Variants in MLLT10 observed in about 807,000 individuals in gnomAD.
MLLT10 encodes the protein MLLT10 histone lysine methyltransferase DOT1L cofactor.
Under a neutral mutation model 129.1 loss-of-function variants are expected in MLLT10, and 30 were observed. That is an observed-to-expected ratio of 0.23 (90% CI 0.17 to 0.32). MLLT10 has a LOEUF of 0.32. Among genes scored for constraint, MLLT10 ranks in the 10% least tolerant of loss-of-function variants. MLLT10 has a pLI of 1.00. For missense variants in MLLT10, 1,119 were observed against 1,268.3 expected, an observed-to-expected ratio of 0.88 and a Z score of 1.79; for synonymous variants, 490 against 446.4, an observed-to-expected ratio of 1.10 and a Z score of -1.23.
At chr10:21,546,762 C>A (rs1470845764) in intron 3 of MLLT10, among the ~76,000 whole-genome samples, 1 of 151,304 alleles carries the variant, frequency 6.6e-6, no homozygotes, top group Non-Finnish European at 1.5e-5. Context: ...TAGAGTTTTG[C>A]TCTTTCCCAG....
At chr10:21,642,885 G>A (rs2048152763) in intron 8 of MLLT10, among the ~76,000 whole-genome samples, 1 of 152,082 alleles carries the variant, frequency 6.6e-6, no homozygotes, top group African/African-American at 2.4e-5. Context: ...CAAGAAAGAT[G>A]TTTATGTCTA....
intron 13 of MLLT10, among the ~76,000 whole-genome samples, chr10:21,704,023 T>TG (rs1388353194): frequency 1.6e-4 from 21 of 133,306 alleles, no homozygotes; most frequent in Admixed American, 7.5e-4. Context: ...TTTGTTTTTT[T>TG]TTTTTTTTTT....
chr10:21,711,090 C>G (rs2056035974), intron 13 of MLLT10, among the ~76,000 whole-genome samples: 1 of 152,144 alleles, frequency 6.6e-6, no homozygotes, highest in Non-Finnish European at 1.5e-5. Context: ...GTTTCTTCCT[C>G]AAACCGTCCT....
intron 3 of MLLT10, among the ~76,000 whole-genome samples, chr10:21,551,289 CTTTTTTT>C (rs11461905): frequency 2.2e-4 from 20 of 91,966 alleles, no homozygotes; most frequent in East Asian, 5.9e-4. Context: ...CGGATTGTAC[CTTTTTTT>C]TTTTTTTTTT....
intron 13 of MLLT10, among the ~76,000 whole-genome samples, chr10:21,686,845 G>GC (rs1345655802): frequency 1.3e-5 from 2 of 152,088 alleles, no homozygotes; most frequent in African/African-American, 4.8e-5. Context: ...AGCCAGACGT[G>GC]ATGGTGCGTG....
rs778951228 is a variant in MLLT10 at position 21,727,885 on chromosome 10, C to T, written c.2020C>T (p.Leu674=). The change falls in exon 16 of 23, where the codon CTA becomes TTA. Residue 674 remains leucine, a synonymous_variant. Transcript: ENST00000307729. ...DQDLGDNSRN[L]VGRGSSPRGS... ...AGATCTTGGAGACAATAGCCGCAAC[C>T]TAGTTGGCAGAGGAAGCTCACCCCG... 3 of 1,614,024 alleles carry T rather than the reference C, an allele frequency of 1.9e-6. No homozygotes were observed. In the Admixed American group the frequency reaches 5.0e-5, roughly 27 times the overall value.
chr10:21,726,647 T>G (rs570423317), intron 15 of MLLT10, among the ~76,000 whole-genome samples: 3 of 150,320 alleles, frequency 2.0e-5, no homozygotes, highest in South Asian at 4.2e-4. Context: ...CAGTTGGAAG[T>G]AAATAGTATG....
chr10:21,625,010 A>T (rs2046291844), intron 8 of MLLT10: 1 of 1,021,268 alleles, frequency 9.8e-7, no homozygotes, highest in African/African-American at 1.6e-5. Context: ...CATAGCCACC[A>T]TCATAGCCAT....
intron 21 of MLLT10, 96 bp downstream of exon 21, chr10:21,735,331 T>G (rs1018454881): frequency 1.9e-6 from 2 of 1,059,710 alleles, no homozygotes; most frequent in African/African-American, 3.2e-5. Context: ...GAAATAACAT[T>G]ATTGAATGCA....
At chr10:21,610,978 T>C (rs2044558412) in intron 5 of MLLT10, among the ~76,000 whole-genome samples, 1 of 140,746 alleles carries the variant, frequency 7.1e-6, no homozygotes, top group African/African-American at 2.6e-5. Flanking sequence ...TTTCTTTCTT[T>C]TTTCTCTTTT....
chr10:21,633,936 A>G (rs903253403), intron 8 of MLLT10, among the ~76,000 whole-genome samples: 1 of 152,232 alleles, frequency 6.6e-6, no homozygotes, highest in Non-Finnish European at 1.5e-5. Flanking sequence ...GTCAAGTATC[A>G]AACGTTGCAT....
At chr10:21,701,446 G>A (rs1407136165) in intron 13 of MLLT10, among the ~76,000 whole-genome samples, 4 of 151,870 alleles carry the variant, frequency 2.6e-5, no homozygotes, top group African/African-American at 9.6e-5. Context: ...TGATGTAGAT[G>A]TTTACTGCTA....
chr10:21,597,116 A>G (rs960050492), intron 5 of MLLT10, among the ~76,000 whole-genome samples: 1 of 152,150 alleles, frequency 6.6e-6, no homozygotes, highest in Non-Finnish European at 1.5e-5. Flanking sequence ...CAGGAATAGT[A>G]CAAAAGAACT....
At chr10:21,728,916 C>G (rs1009125573) in intron 16 of MLLT10, among the ~76,000 whole-genome samples, 8 of 147,746 alleles carry the variant, frequency 5.4e-5, no homozygotes, top group African/African-American at 2.0e-4. Context: ...GATGACAGAT[C>G]ATGAATAACA....
chr10:21,571,175 T>G (rs552530140), intron 3 of MLLT10, among the ~76,000 whole-genome samples: 1 of 152,340 alleles, frequency 6.6e-6, no homozygotes, highest in South Asian at 2.1e-4. Context: ...ACTATTCACA[T>G]CCTTATGTCA....
intron 13 of MLLT10, among the ~76,000 whole-genome samples, chr10:21,704,559 G>A (rs1299940712): frequency 1.4e-5 from 2 of 147,518 alleles, no homozygotes; most frequent in Non-Finnish European, 3.0e-5. Flanking sequence ...CTTTTTAATG[G>A]TATGTGTTCC....
At chr10:21,717,253 C>CA (rs747244556) in intron 14 of MLLT10, among the ~76,000 whole-genome samples, 3,679 of 63,212 alleles carry the variant, frequency 0.058, 337 homozygotes, top group African/African-American at 0.15. Context: ...AACTCCGTCT[C>CA]AAAAAAAAAA....
intron 8 of MLLT10, chr10:21,625,552 A>G: frequency 1.3e-6 from 1 of 779,646 alleles, no homozygotes; most frequent in Non-Finnish European, 2.4e-6. Context: ...CTGACTTGTG[A>G]TCCTCACATT....
At chr10:21,681,635 A>C (rs2052746998) in intron 12 of MLLT10, among the ~76,000 whole-genome samples, 1 of 151,682 alleles carries the variant, frequency 6.6e-6, no homozygotes. Flanking sequence ...TTGTGACTTC[A>C]CCTCCTTCTT....
Sources: allele counts gnomAD v4.1 joint callset (sites outside exome capture counted in the v4.1 genomes callset), GRCh38; gene constraint gnomAD v4.1.1; transcripts MANE v1.5; gene names NCBI Gene and HGNC (gene_info 2026-07-23, HGNC 2026-07-21).